CNOT2: variants seen among roughly 807,000 people sequenced by gnomAD.
CNOT2 encodes CC chemokine receptor 4-negative regulator of transcription 2.
In CNOT2, 7 loss-of-function variants were observed where a neutral mutation model predicts 72.1. The observed-to-expected ratio is 0.10, with a 90% CI of 0.06 to 0.18. CNOT2 has a LOEUF of 0.18. Ranked by LOEUF, CNOT2 falls within the 10% of genes least tolerant of loss-of-function variation. The pLI is 1.00. For missense variants in CNOT2, 345 were observed against 660.3 expected, an observed-to-expected ratio of 0.52 and a Z score of 5.23; for synonymous variants, 196 against 225.6, an observed-to-expected ratio of 0.87 and a Z score of 1.17.
At chr12:70,343,145 A>C (rs1416152143) in intron 13 of CNOT2, among the ~76,000 whole-genome samples, 1 of 152,148 alleles carries the variant, frequency 6.6e-6, no homozygotes. Context: ...ACCACTGTAG[A>C]GCTCTTTCGC....
intron 1 of CNOT2, among the ~76,000 whole-genome samples, chr12:70,276,460 A>T (rs899073988): frequency 3.3e-5 from 5 of 152,048 alleles, no homozygotes; most frequent in African/African-American, 1.2e-4. Flanking sequence ...TATTAATGGT[A>T]AGGCATGTAC....
chr12:70,284,198 G>A (rs561489144), intron 2 of CNOT2, among the ~76,000 whole-genome samples: 67 of 151,156 alleles, frequency 4.4e-4, no homozygotes, highest in African/African-American at 1.6e-3. Flanking sequence ...CATCTGCCTC[G>A]ACCTCCCAAT....
Position 70,278,247 on chromosome 12 carries a change from T to C in CNOT2, c.21T>C (p.His7=). 6.2e-7 allele frequency: 1 copy of C among 1,612,016 alleles called. No individual in the cohort carries two copies. The highest frequency in any genetic ancestry group is 8.5e-7 in the Non-Finnish European group (1 of 1,178,174). MVRTDG[H]TLSEKRNYQV... is the part of the protein sequence containing the mutation. ...ACTCTATGGTGAGGACTGATGGACATACATTATCTGAGAAAAGAAACTACC... is the reference window on the plus strand; with the variant it reads ...ACTCTATGGTGAGGACTGATGGACACACATTATCTGAGAAAAGAAACTACC... The change falls in exon 2 of 16, where the codon CAT becomes CAC. Residue 7 remains histidine, a synonymous_variant. Transcript: ENST00000229195.
chr12:70,307,334 C>A (rs1207068385), intron 2 of CNOT2, among the ~76,000 whole-genome samples: 1 of 151,966 alleles, frequency 6.6e-6, no homozygotes, highest in East Asian at 1.9e-4. Context: ...TATTTTCTTC[C>A]CTTATATTCA....
chr12:70,302,737 T>A lies in CNOT2; in HGVS notation c.49-8158T>A, dbSNP rs2135923031. On this transcript the variant is annotated intron_variant, in intron 2 of 15. Coordinates refer to ENST00000229195, the MANE Select transcript of CNOT2 (RefSeq NM_014515.7). ...TCTGTAGATGTCTATTAGGTCCACT[T>A]GGTGCAGAGCTGAGTTCAATTCCTG... is the stretch of plus-strand genomic sequence containing the variant. 2.0e-5 allele frequency among the ~76,000 whole-genome samples: 3 copies of A among 152,358 alleles called. No homozygotes were observed. The East Asian group carries it at 5.8e-4, about 29-fold the overall frequency.
At chr12:70,247,089 A>T (rs1415550547) in intron 1 of CNOT2, among the ~76,000 whole-genome samples, 4 of 151,788 alleles carry the variant, frequency 2.6e-5, no homozygotes, top group Admixed American at 6.6e-5. Flanking sequence ...TAGACTCAGG[A>T]TCTAAGTCCA....
intron 3 of CNOT2, 115 bp downstream of exon 3, chr12:70,311,132 G>A: frequency 2.8e-6 from 2 of 711,356 alleles, no homozygotes; most frequent in South Asian, 1.7e-5. Flanking sequence ...AATCTTTTCA[G>A]CACAGTGCTA....
upstream of CNOT2, chr12:70,243,205 CTGTG>C (rs749443713): frequency 3.9e-5 from 6 of 152,576 alleles, no homozygotes; most frequent in Non-Finnish European, 8.8e-5. Flanking sequence ...GCAAGCCTCC[CTGTG>C]AGTCGGTGGG....
chr12:70,255,387 T>G (rs1180985248), intron 1 of CNOT2, among the ~76,000 whole-genome samples: 2 of 152,200 alleles, frequency 1.3e-5, no homozygotes, highest in Non-Finnish European at 2.9e-5. Context: ...TTGTGTATTC[T>G]TGTGCATATG....
At chr12:70,276,313 T>C (rs924175744) in intron 1 of CNOT2, among the ~76,000 whole-genome samples, 1 of 152,006 alleles carries the variant, frequency 6.6e-6, no homozygotes, top group African/African-American at 2.4e-5. Context: ...ATTTCCAACA[T>C]TCTTTTGCTG....
intron 1 of CNOT2, among the ~76,000 whole-genome samples, chr12:70,260,043 G>A (rs1330720372): frequency 6.6e-6 from 1 of 152,114 alleles, no homozygotes. Context: ...CCTTATGCCA[G>A]TATCCCTTGA....
chr12:70,277,583 T>C (rs1869064591), intron 1 of CNOT2, among the ~76,000 whole-genome samples: 1 of 152,170 alleles, frequency 6.6e-6, no homozygotes, highest in Admixed American at 6.5e-5. Flanking sequence ...GTTTAATAGA[T>C]TATTGAGTTA....
chr12:70,257,182 A>G (rs1260537787), intron 1 of CNOT2, among the ~76,000 whole-genome samples: 1 of 152,176 alleles, frequency 6.6e-6, no homozygotes, highest in African/African-American at 2.4e-5. Flanking sequence ...TGCTTAGCCA[A>G]TTGCTGTGTC....
chr12:70,272,722 A>G (rs1354714467), intron 1 of CNOT2, among the ~76,000 whole-genome samples: 2 of 152,054 alleles, frequency 1.3e-5, no homozygotes, highest in Non-Finnish European at 2.9e-5. Context: ...CTACTTGGCA[A>G]TTCTACCTAC....
chr12:70,315,220 AG>A (rs1013847727), intron 3 of CNOT2, among the ~76,000 whole-genome samples: 2 of 151,948 alleles, frequency 1.3e-5, no homozygotes, highest in Non-Finnish European at 2.9e-5. Flanking sequence ...CCTGTTTGCT[AG>A]ATTTCATTAG....
chr12:70,293,890 T>C (rs1368028031), intron 2 of CNOT2, among the ~76,000 whole-genome samples: 1 of 149,022 alleles, frequency 6.7e-6, no homozygotes, highest in Non-Finnish European at 1.5e-5. Flanking sequence ...TCTGGAAAAG[T>C]GTGCAAGTTT....
chr12:70,329,334 A>G lies in CNOT2; in HGVS notation c.239-89A>G, dbSNP rs1879580727. ...ATTTGCGTACTATGTTAGGTCATTA[A>G]AAGTGTCTTAAATCGCCAACTCCAG... On this transcript the variant is annotated intron_variant, in intron 4 of 15. Coordinates refer to ENST00000229195, the MANE Select transcript of CNOT2 (RefSeq NM_014515.7). 16 of 997,486 alleles carry G rather than the reference A, an allele frequency of 1.6e-5. No individual in the cohort carries two copies. The South Asian group carries it at 2.1e-4, about 13-fold the overall frequency. The allele number at this position is 997,486 out of a possible 1,614,324, so 61.8% of individuals were successfully genotyped here. A position where few individuals can be genotyped will look rare whatever the true frequency, so the allele number is the denominator to read the frequency against.
chr12:70,311,073 C>A (rs554598990), intron 3 of CNOT2, 56 bp downstream of exon 3: 396 of 1,333,506 alleles, frequency 3.0e-4, no homozygotes, highest in Non-Finnish European at 4.1e-4. Flanking sequence ...TGTCTGGGTT[C>A]CTGAAAAACA....
intron 8 of CNOT2, chr12:70,336,047 T>C (rs1046676528): frequency 6.5e-6 from 1 of 154,190 alleles, no homozygotes; most frequent in African/African-American, 2.4e-5. Context: ...TGGGGGGCTA[T>C]TGTGTTTATA....
Sources: allele counts gnomAD v4.1 joint callset (sites outside exome capture counted in the v4.1 genomes callset), GRCh38; gene constraint gnomAD v4.1.1; transcripts MANE v1.5; gene names NCBI Gene and HGNC (gene_info 2026-07-23, HGNC 2026-07-21).